Variants in DAZAP1 observed in about 807,000 individuals in gnomAD.
The protein encoded by DAZAP1 is DAZ associated protein 1, also known as DAZ-associated protein 1.
Under a neutral mutation model 60.1 loss-of-function variants are expected in DAZAP1, and 6 were observed. The observed-to-expected ratio is 0.10, with a 90% CI of 0.05 to 0.20. The LOEUF is 0.20. Among genes scored for constraint, DAZAP1 ranks in the 10% least tolerant of loss-of-function variants. DAZAP1 has a pLI of 1.00. For synonymous variants in DAZAP1, 235 were observed against 215.9 expected (o/e 1.09, Z -0.78); for missense variants, 366 against 560.4 (o/e 0.65, Z 3.50).
At position 1,422,876 on chromosome 19, in the gene DAZAP1, CCT is replaced by C. The variant is rs1221472233; in HGVS notation, c.463+485_463+486del. ...TTTTTCTTTTTTTTCAGTTTTCTCC[CCT>C]CTCTGAAGTCAGCAGGGCAGGTGGG... On this transcript the variant is annotated intron_variant, in intron 6 of 11. Transcript: ENST00000233078. This position sits in a 1 kb window ranked among gnomAD's most constrained non-coding sequence, Gnocchi z 4.5. 1.4e-5 allele frequency among the ~76,000 whole-genome samples: 2 copies of C among 145,614 alleles called. No homozygotes were observed. The highest frequency in any genetic ancestry group is 2.7e-5 in the African/African-American group (1 of 36,776).
At chr19:1,414,050 C>G (rs2082905440) in intron 1 of DAZAP1, among the ~76,000 whole-genome samples, 1 of 150,556 alleles carries the variant, frequency 6.6e-6, no homozygotes, top group East Asian at 2.0e-4. Flanking sequence ...GACCCTCACT[C>G]TGTCGCCCAG....
intron 8 of DAZAP1, among the ~76,000 whole-genome samples, chr19:1,429,742 C>T (rs1036767427): frequency 2.6e-5 from 4 of 152,244 alleles, no homozygotes; most frequent in Non-Finnish European, 5.9e-5. Flanking sequence ...TGCCCGCCAC[C>T]TGGCAGGGCA....
intron 6 of DAZAP1, among the ~76,000 whole-genome samples, chr19:1,424,779 C>T (rs1457043957): frequency 6.6e-6 from 1 of 152,202 alleles, no homozygotes; most frequent in Admixed American, 6.5e-5. Context: ...TTCCCATGTC[C>T]ATCTTTGTTC....
chr19:1,419,188 G>A (rs59509611), intron 4 of DAZAP1, among the ~76,000 whole-genome samples: 14,954 of 152,228 alleles, frequency 0.098, 2,196 homozygotes, highest in African/African-American at 0.32. Context: ...TTGCCTGGCC[G>A]ACAGGGCACT....
At chr19:1,424,166 G>C (rs576952399) in intron 6 of DAZAP1, among the ~76,000 whole-genome samples, 2 of 152,106 alleles carry the variant, frequency 1.3e-5, no homozygotes, top group East Asian at 3.9e-4. Context: ...CGGGCACACA[G>C]TGTCTGTGCG....
intron 1 of DAZAP1, among the ~76,000 whole-genome samples, chr19:1,411,202 CTT>C (rs1421800432): frequency 2.0e-5 from 3 of 152,194 alleles, no homozygotes; most frequent in Non-Finnish European, 4.4e-5. Flanking sequence ...CTGGGGCTCT[CTT>C]GGTGCATTTG....
intron 1 of DAZAP1, among the ~76,000 whole-genome samples, chr19:1,411,873 T>G (rs1393141765): frequency 6.6e-6 from 1 of 152,234 alleles, no homozygotes; most frequent in East Asian, 1.9e-4. Flanking sequence ...TCTGAGGTTG[T>G]GCTGTCTTCT....
chr19:1,421,691 C>T (rs1030680319), intron 5 of DAZAP1, among the ~76,000 whole-genome samples: 2 of 152,216 alleles, frequency 1.3e-5, no homozygotes, highest in Admixed American at 6.5e-5. Flanking sequence ...CGGAGGGGGC[C>T]GGCGGGGAGC....
In DAZAP1 at chr19:1,429,971, G is replaced by A. The variant is rs904656394; in HGVS notation, c.705G>A (p.Met235Ile). The change falls in exon 9 of 12, where the codon ATG becomes ATA. Residue 235 changes from methionine (M) to isoleucine (I), a missense_variant. Met to Ile is a conservative substitution (Grantham distance 10, BLOSUM62 1). This residue lies in a region of DAZAP1 where 240 missense variants were observed against 308.8 expected (regional missense o/e 0.78). Transcript: ENST00000233078. Reference protein sequence around the residue: ...TWQQGYGPQGMWVPAGQAIGG... With the variant: ...TWQQGYGPQGIWVPAGQAIGG... ...CTCTTCTGTTCTCTTATCTAGGAAT[G>A]TGGGTGCCGGCAGGACAGGCGATTG... 9.6e-6 allele frequency: 15 copies of A among 1,569,314 alleles called. No homozygotes were observed. The Admixed American group carries it at 2.4e-4, about 26-fold the overall frequency.
chr19:1,416,105 G>A lies in DAZAP1; in HGVS notation c.30-1395G>A, dbSNP rs1330301290. The A allele has an allele frequency of 6.6e-6, 1 of 152,260 alleles. No homozygotes were observed. Among genetic ancestry groups the A allele is most frequent in the Non-Finnish European group, 1.5e-5 (1 of 68,058 alleles). The allele number at this position is 152,260 out of a possible 1,614,324, so 9.4% of individuals were successfully genotyped here. A position where few individuals can be genotyped will look rare whatever the true frequency, so the allele number is the denominator to read the frequency against. The stretch of plus-strand genomic sequence containing the variant: ...AGGCCCCAGGTGGTGGTTGATGAGA[G>A]GTGATGAGTGTGCCAGCCACCTTGC... On this transcript the variant is annotated intron_variant, in intron 1 of 11. Transcript: ENST00000233078. The surrounding 1 kb of genome is among the most constrained non-coding windows in gnomAD (Gnocchi z 4.3).
chr19:1,412,215 G>T (rs542064765), intron 1 of DAZAP1, among the ~76,000 whole-genome samples: 109 of 152,180 alleles, frequency 7.2e-4, no homozygotes, highest in Non-Finnish European at 1.3e-3. Context: ...GGGCTGGAGG[G>T]GGGGCATCTG....
intron 8 of DAZAP1, 81 bp downstream of exon 8, chr19:1,429,076 C>T (rs537356465): frequency 3.8e-5 from 55 of 1,434,796 alleles, no homozygotes; most frequent in Middle Eastern, 2.6e-4. Context: ...GCCGTCGCTG[C>T]GGCCTCCCCA....
chr19:1,434,507 T>A lies in DAZAP1; in HGVS notation c.1049-230T>A, dbSNP rs1025153477. On this transcript the variant is annotated intron_variant, in intron 11 of 11. Transcript: ENST00000233078. This position sits in a 1 kb window ranked among gnomAD's most constrained non-coding sequence, Gnocchi z 8.0. ...AGGTTACGTGGGCCATGGAGGGCTCTGGAAGCCGCTTTTCTCTGTGTGTGC... is the reference window on the plus strand; with the variant it reads ...AGGTTACGTGGGCCATGGAGGGCTCAGGAAGCCGCTTTTCTCTGTGTGTGC... 1 of 512,548 alleles carries A rather than the reference T, an allele frequency of 2.0e-6. No homozygotes were observed. Among genetic ancestry groups the A allele is most frequent in the Non-Finnish European group, 3.5e-6 (1 of 288,896 alleles). 31.8% of individuals were successfully genotyped at this position (512,548 alleles called of 1,614,324 possible).
chr19:1,419,375 C>T (rs939485435), intron 4 of DAZAP1, among the ~76,000 whole-genome samples: 3 of 152,224 alleles, frequency 2.0e-5, no homozygotes, highest in South Asian at 2.1e-4. Flanking sequence ...GCTGAGGCAC[C>T]GGGTGCCAGC....
intron 1 of DAZAP1, among the ~76,000 whole-genome samples, chr19:1,414,609 G>A (rs1205392570): frequency 2.6e-5 from 4 of 151,836 alleles, no homozygotes; most frequent in South Asian, 2.1e-4. Flanking sequence ...GCTGGCGGGC[G>A]CCTGTAGTCC....
chr19:1,418,662 G>T lies in DAZAP1; in HGVS notation c.238-4G>T. ...ACAACCAGCTGATTTGAAATTTCCT[G>T]CAGATCGACCCCAAGCCATGCACAC... On this transcript the variant is annotated splice_polypyrimidine_tract_variant and splice_region_variant and intron_variant, in intron 3 of 11. Transcript: ENST00000233078. This position sits in a 1 kb window ranked among gnomAD's most constrained non-coding sequence, Gnocchi z 5.7. 1 of 1,614,004 alleles carries T rather than the reference G, an allele frequency of 6.2e-7. No homozygotes were observed. The highest frequency in any genetic ancestry group is 1.6e-4 in the Middle Eastern group (1 of 6,062).
At position 1,428,712 on chromosome 19, in the gene DAZAP1, T is replaced by G; in HGVS notation, c.547-130T>G. ...AAAATGCTACTGGCCTAAATAAGGT[T>G]TATAGTTAAGTATTTAGTCTTAAGT... On this transcript the variant is annotated intron_variant, in intron 7 of 11. Transcript: ENST00000233078. The surrounding 1 kb of genome is among the most constrained non-coding windows in gnomAD (Gnocchi z 4.0). 1.8e-6 allele frequency: 2 copies of G among 1,113,062 alleles called. No individual in the cohort carries two copies. The highest frequency in any genetic ancestry group is 2.6e-6 in the Non-Finnish European group (2 of 777,962). The allele number at this position is 1,113,062 out of a possible 1,614,324, so 68.9% of individuals were successfully genotyped here.
chr19:1,421,974 C>T (rs986801882), intron 5 of DAZAP1, among the ~76,000 whole-genome samples: 6 of 152,228 alleles, frequency 3.9e-5, no homozygotes, highest in African/African-American at 7.2e-5. Flanking sequence ...CTTTGCTTCC[C>T]GCGTTTGGGT....
chr19:1,432,394 C>A lies in DAZAP1; in HGVS notation c.872-120C>A. On this transcript the variant is annotated intron_variant, in intron 10 of 11. Coordinates refer to ENST00000233078, the MANE Select transcript of DAZAP1 (RefSeq NM_018959.4). This position sits in a 1 kb window ranked among gnomAD's most constrained non-coding sequence, Gnocchi z 4.9. ...TGGATGTCCACAAGGCCTGGGCGTT[C>A]TGTGGGTTTGGGTGGCAGTCCCGTC... 9.7e-7 allele frequency: 1 copy of A among 1,033,658 alleles called. No homozygotes were observed. The highest frequency in any genetic ancestry group is 1.5e-6 in the Non-Finnish European group (1 of 673,870). 64.0% of individuals were successfully genotyped at this position (1,033,658 alleles called of 1,614,324 possible).
Sources: gnomAD v4.1 joint callset for allele counts (sites outside exome capture counted in the v4.1 genomes callset) on GRCh38, gnomAD v4.1.1 for gene constraint, gnomAD v4.1.1 regional missense constraint, Gnocchi (gnomAD v3.1) non-coding constraint, MANE v1.5 for transcripts, NCBI Gene and HGNC (gene_info 2026-07-23, HGNC 2026-07-21) for gene names.